Variants in ADAM22 observed in about 807,000 individuals in gnomAD.
The protein encoded by ADAM22 is ADAM metallopeptidase domain 22, also known as disintegrin and metalloproteinase domain-containing protein 22.
In ADAM22, 65 loss-of-function variants were observed where a neutral mutation model predicts 144.6. That is an observed-to-expected ratio of 0.45 (90% CI 0.37 to 0.55). The LOEUF is 0.55. ADAM22 is among the 20% of genes least tolerant of loss of function. ADAM22 has a pLI of 0.00. For synonymous variants in ADAM22, 391 were observed against 412.6 expected (o/e 0.95, Z 0.63); for missense variants, 974 against 1,184.9 (o/e 0.82, Z 2.61).
chr7:88,042,851 G>A (rs1803497812), intron 3 of ADAM22, among the ~76,000 whole-genome samples: 1 of 151,180 alleles, frequency 6.6e-6, no homozygotes, highest in South Asian at 2.1e-4. Context: ...TGTCCTGATT[G>A]TCTTGTTCAT....
intron 2 of ADAM22, among the ~76,000 whole-genome samples, chr7:87,944,854 T>C (rs549992383): frequency 2.7e-5 from 4 of 150,804 alleles, no homozygotes; most frequent in Admixed American, 6.6e-5. Context: ...TAGTCAGTCT[T>C]GTTCTCATCC....
At chr7:88,081,239 C>A (rs1489172242) in intron 4 of ADAM22, among the ~76,000 whole-genome samples, 2 of 152,058 alleles carry the variant, frequency 1.3e-5, no homozygotes, top group Non-Finnish European at 2.9e-5. Flanking sequence ...AAGACAAAAA[C>A]CACATGATTA....
intron 30 of ADAM22, among the ~76,000 whole-genome samples, chr7:88,187,969 C>G (rs756365958): frequency 7.2e-5 from 11 of 151,850 alleles, no homozygotes; most frequent in Non-Finnish European, 1.3e-4. Context: ...CTTTCCCACA[C>G]TGAACCTCAT....
intron 4 of ADAM22, among the ~76,000 whole-genome samples, chr7:88,095,533 C>G (rs1185347914): frequency 6.6e-6 from 1 of 152,034 alleles, no homozygotes; most frequent in African/African-American, 2.4e-5. Context: ...AAACTGATAG[C>G]CTTATAATCG....
intron 2 of ADAM22, among the ~76,000 whole-genome samples, chr7:87,939,938 A>G (rs1355080302): frequency 6.6e-6 from 1 of 152,166 alleles, no homozygotes; most frequent in East Asian, 1.9e-4. Context: ...CCACACCTGT[A>G]ATCCCAGCAC....
chr7:87,935,993 G>C (rs1841160015), intron 2 of ADAM22, among the ~76,000 whole-genome samples: 1 of 152,144 alleles, frequency 6.6e-6, no homozygotes, highest in South Asian at 2.1e-4. Context: ...CCACCTGTAA[G>C]TCCATATTAA....
chr7:88,041,284 AC>A (rs1803070519), intron 3 of ADAM22, among the ~76,000 whole-genome samples: 1 of 151,992 alleles, frequency 6.6e-6, no homozygotes, highest in South Asian at 2.1e-4. Flanking sequence ...AATTCTACTT[AC>A]CACAGGACAG....
chr7:88,096,889 A>G (rs553016068), intron 4 of ADAM22, among the ~76,000 whole-genome samples: 1 of 152,266 alleles, frequency 6.6e-6, no homozygotes, highest in East Asian at 1.9e-4. Flanking sequence ...TTACTTTTTC[A>G]TGCTTAGCAT....
chr7:87,959,733 T>C (rs1056381559), intron 2 of ADAM22, among the ~76,000 whole-genome samples: 4 of 152,236 alleles, frequency 2.6e-5, no homozygotes, highest in African/African-American at 7.2e-5. Context: ...GTAGCATTTA[T>C]TATAAAAAAA....
intron 3 of ADAM22, among the ~76,000 whole-genome samples, chr7:88,056,815 T>C (rs905780696): frequency 6.6e-6 from 1 of 152,250 alleles, no homozygotes; most frequent in Non-Finnish European, 1.5e-5. Context: ...CTTTTATGTT[T>C]GTAGTTTTGA....
chr7:88,185,217 G>C (rs1563421088), intron 29 of ADAM22, among the ~76,000 whole-genome samples: 1 of 152,288 alleles, frequency 6.6e-6, no homozygotes, highest in Non-Finnish European at 1.5e-5. Context: ...AGTTGTTTCT[G>C]AGTCAGGAGA....
At chr7:87,960,375 GGTGTGT>G (rs71120011) in intron 2 of ADAM22, among the ~76,000 whole-genome samples, 1 of 149,282 alleles carries the variant, frequency 6.7e-6, no homozygotes, top group Non-Finnish European at 1.5e-5. Context: ...GTGGTAGTGG[GGTGTGT>G]GTGTGTGTGT....
At chr7:87,974,234 G>A (rs1383762866) in intron 2 of ADAM22, among the ~76,000 whole-genome samples, 1 of 150,492 alleles carries the variant, frequency 6.6e-6, no homozygotes, top group Non-Finnish European at 1.5e-5. Context: ...AACCTGGGAG[G>A]CAGAGCTTGC....
At chr7:87,953,045 C>G (rs1845667768) in intron 2 of ADAM22, among the ~76,000 whole-genome samples, 5 of 151,656 alleles carry the variant, frequency 3.3e-5, no homozygotes. Flanking sequence ...CTTTATTAGT[C>G]TTGCTAGTGG....
chr7:88,127,539 A>G (rs1375703914), intron 8 of ADAM22, among the ~76,000 whole-genome samples: 3 of 151,718 alleles, frequency 2.0e-5, no homozygotes, highest in African/African-American at 7.3e-5. Context: ...TTGGTTTCCA[A>G]CCTCAGAATT....
intron 22 of ADAM22, among the ~76,000 whole-genome samples, chr7:88,161,275 G>T (rs1172394852): frequency 6.7e-6 from 1 of 149,686 alleles, no homozygotes; most frequent in African/African-American, 2.4e-5. Context: ...ATATGCAGAA[G>T]ATTGAAACTG....
At chr7:88,048,498 C>A (rs1805301474) in intron 3 of ADAM22, among the ~76,000 whole-genome samples, 1 of 152,016 alleles carries the variant, frequency 6.6e-6, no homozygotes. Context: ...TTTTATTAAT[C>A]TTTTAAAATA....
chr7:87,936,006 T>C (rs373587983), intron 2 of ADAM22, among the ~76,000 whole-genome samples: 155 of 152,332 alleles, frequency 1.0e-3, no homozygotes, highest in African/African-American at 3.2e-3. Flanking sequence ...CATATTAAGA[T>C]AGGACTTGTT....
chr7:87,957,484 G>T (rs1311093640), intron 2 of ADAM22, among the ~76,000 whole-genome samples: 1 of 152,136 alleles, frequency 6.6e-6, no homozygotes, highest in Non-Finnish European at 1.5e-5. Flanking sequence ...TATAGATTCA[G>T]ATGATGCTCT....
Sources: allele counts gnomAD v4.1 joint callset (sites outside exome capture counted in the v4.1 genomes callset), GRCh38; gene constraint gnomAD v4.1.1; transcripts MANE v1.5; gene names NCBI Gene and HGNC (gene_info 2026-07-23, HGNC 2026-07-21).